Variants in DLGAP2 observed in about 807,000 individuals in gnomAD.
DLGAP2 encodes the protein disks large-associated protein 2.
DLGAP2 carries 26 observed loss-of-function variants against 100.3 expected under a neutral mutation model. That is an observed-to-expected ratio of 0.26 (90% confidence interval 0.19 to 0.36). The LOEUF (loss-of-function observed/expected upper bound fraction) is 0.36. Ranked by LOEUF, DLGAP2 falls within the 10% of genes least tolerant of loss-of-function variation. DLGAP2 has a pLI of 1.00. For missense variants in DLGAP2, 1,858 were observed against 1,453.2 expected (o/e 1.28, Z -4.53); for synonymous variants, 886 against 630.1 (o/e 1.41, Z -6.08).
At chr8:958,231 C>G (rs1222372815) in intron 2 of DLGAP2, among the ~76,000 whole-genome samples, 2 of 152,138 alleles carry the variant, frequency 1.3e-5, no homozygotes, top group African/African-American at 4.8e-5. Context: ...CTTTATATGT[C>G]TGAACAGTAA....
At chr8:920,005 C>G (rs972470320) in intron 2 of DLGAP2, among the ~76,000 whole-genome samples, 1 of 152,224 alleles carries the variant, frequency 6.6e-6, no homozygotes, top group Admixed American at 6.5e-5. Flanking sequence ...TCCTGGAGCT[C>G]ATGCCCAGCA....
intron 2 of DLGAP2, among the ~76,000 whole-genome samples, chr8:1,097,604 C>T (rs1431357206): frequency 5.6e-5 from 6 of 107,874 alleles, no homozygotes; most frequent in South Asian, 3.2e-4. Context: ...TGGAGAGGTC[C>T]CCTCCAGTGT....
chr8:1,388,603 C>G (rs1796274440), intron 3 of DLGAP2, among the ~76,000 whole-genome samples: 2 of 77,538 alleles, frequency 2.6e-5, no homozygotes, highest in Non-Finnish European at 2.8e-5. Context: ...GCTGTGAGAG[C>G]AGAGGCCGTG....
At chr8:824,907 G>A (rs527256067) in intron 1 of DLGAP2, among the ~76,000 whole-genome samples, 2 of 152,276 alleles carry the variant, frequency 1.3e-5, no homozygotes, top group African/African-American at 2.4e-5. Flanking sequence ...CTCCCTGAGG[G>A]GCCATGGAAG....
At chr8:951,553 T>C (rs2129007924) in intron 2 of DLGAP2, among the ~76,000 whole-genome samples, 1 of 152,382 alleles carries the variant, frequency 6.6e-6, no homozygotes, top group Non-Finnish European at 1.5e-5. Context: ...ACCTGGCTGA[T>C]AAATGTATTT....
In DLGAP2 at chr8:1,704,028, G is replaced by A. The variant is rs1418146730; in HGVS notation, c.*2622G>A. The A allele has an allele frequency of 6.6e-6, 1 of 152,570 alleles. No homozygotes were observed. Among genetic ancestry groups the A allele is most frequent in the African/African-American group, 2.4e-5 (1 of 41,430 alleles). The allele number at this position is 152,570 out of a possible 1,614,324, so 9.5% of individuals were successfully genotyped here. On this transcript the variant is annotated 3_prime_UTR_variant, in exon 15 of 15. Transcript: ENST00000637795. The stretch of plus-strand genomic sequence containing the variant: ...TGCAATATACTCAGTTCTCATGCAG[G>A]TGACATTCTACCATGAAACGCAGAA...
chr8:1,064,796 G>A (rs996729362), intron 2 of DLGAP2, among the ~76,000 whole-genome samples: 11 of 152,190 alleles, frequency 7.2e-5, no homozygotes, highest in Non-Finnish European at 7.4e-5. Flanking sequence ...GCGGCAGAGG[G>A]ACAAATGCTT....
chr8:1,074,996 C>T lies in DLGAP2; in HGVS notation c.73+167030C>T, dbSNP rs146516733. Among the ~76,000 whole-genome samples the T allele has an allele frequency of 1.1e-3, 160 of 150,280 alleles. 1 individual carries two copies. Among genetic ancestry groups the T allele is most frequent in the Middle Eastern group, 0.01 (3 of 294 alleles). ...GGGAGTGGTGACCATGTCTCACCAA[C>T]AAACAGTGCAGCCAGGGGTGGAGTG... On this transcript the variant is annotated intron_variant, in intron 2 of 14. Coordinates refer to ENST00000637795, the MANE Select transcript of DLGAP2 (RefSeq NM_001346810.2).
chr8:1,229,708 G>A (rs1048138884), intron 2 of DLGAP2, among the ~76,000 whole-genome samples: 1 of 152,102 alleles, frequency 6.6e-6, no homozygotes, highest in Non-Finnish European at 1.5e-5. Flanking sequence ...TGCAAGGTTG[G>A]TTCAGTGCAC....
At chr8:1,134,109 C>G (rs1796353790) in intron 2 of DLGAP2, among the ~76,000 whole-genome samples, 1 of 152,032 alleles carries the variant, frequency 6.6e-6, no homozygotes, top group Non-Finnish European at 1.5e-5. Context: ...TGTTTTCTCT[C>G]CATTAGTTCA....
intron 2 of DLGAP2, among the ~76,000 whole-genome samples, chr8:1,208,177 A>G (rs983144792): frequency 2.0e-5 from 3 of 152,210 alleles, no homozygotes; most frequent in Non-Finnish European, 4.4e-5. Context: ...GCCATCTTCT[A>G]GAATATTTAG....
chr8:949,964 A>C (rs1201376511), intron 2 of DLGAP2, among the ~76,000 whole-genome samples: 2 of 152,166 alleles, frequency 1.3e-5, no homozygotes, highest in Admixed American at 1.3e-4. Context: ...AGCAGCTTTT[A>C]GTACATTTTC....
chr8:1,041,803 C>T (rs954485548), intron 2 of DLGAP2, among the ~76,000 whole-genome samples: 5 of 151,968 alleles, frequency 3.3e-5, no homozygotes, highest in Non-Finnish European at 5.9e-5. Context: ...AGCCCCTTGT[C>T]GTGGGTGAGT....
At chr8:1,520,235 A>T (rs1800544927) in intron 4 of DLGAP2, among the ~76,000 whole-genome samples, 1 of 152,106 alleles carries the variant, frequency 6.6e-6, no homozygotes, top group South Asian at 2.1e-4. Flanking sequence ...GCAGGCCCCC[A>T]CCCCGGAGCT....
chr8:1,187,555 T>C (rs1797536043), intron 2 of DLGAP2, among the ~76,000 whole-genome samples: 1 of 147,468 alleles, frequency 6.8e-6, no homozygotes. Flanking sequence ...TCCGTGACGT[T>C]TGCCTCACGG....
chr8:1,390,209 C>G lies in DLGAP2; in HGVS notation c.107-111157C>G, dbSNP rs139267775. The stretch of plus-strand genomic sequence containing the variant: ...CAAACGACTCTGGAATGATCTCTGC[C>G]ATAGTAATCATGTTGGTGAAAACCA... On this transcript the variant is annotated intron_variant, in intron 3 of 14. Transcript: ENST00000637795. 8.1e-3 allele frequency among the ~76,000 whole-genome samples: 1,238 copies of G among 152,234 alleles called. 12 individuals carry two copies. Among genetic ancestry groups the G allele is most frequent in the Non-Finnish European group, 9.3e-3 (632 of 68,020 alleles).
chr8:1,233,014 A>G (rs1324028067), intron 2 of DLGAP2, among the ~76,000 whole-genome samples: 1 of 152,208 alleles, frequency 6.6e-6, no homozygotes, highest in African/African-American at 2.4e-5. Context: ...ATTTCATAGG[A>G]ATAGAACCAT....
intron 1 of DLGAP2, among the ~76,000 whole-genome samples, chr8:820,837 C>G (rs7459562): frequency 0.11 from 16,963 of 152,086 alleles, 1,488 homozygotes; most frequent in East Asian, 0.51. Flanking sequence ...ATTTGTGGGG[C>G]TAAAATAATT....
chr8:1,585,160 G>T (rs1222765251), intron 6 of DLGAP2, among the ~76,000 whole-genome samples: 2 of 152,092 alleles, frequency 1.3e-5, no homozygotes, highest in East Asian at 3.9e-4. Context: ...ACTGGCGCCT[G>T]GTTTGTTCAT....
Sources: gnomAD v4.1 joint callset for allele counts (sites outside exome capture counted in the v4.1 genomes callset) on GRCh38, gnomAD v4.1.1 for gene constraint, MANE v1.5 for transcripts, NCBI Gene and HGNC (gene_info 2026-07-23, HGNC 2026-07-21) for gene names.